FOLH1: variants seen among roughly 807,000 people sequenced by gnomAD.
FOLH1 encodes the protein folate hydrolase 1.
A neutral mutation model predicts 93.9 loss-of-function variants in FOLH1; 54 were observed. That is an observed-to-expected ratio of 0.57 (90% CI 0.46 to 0.72). The LOEUF (loss-of-function observed/expected upper bound fraction) is 0.72, where lower values mean the gene tolerates loss of function less well. FOLH1 is among the 30% of genes least tolerant of loss of function. The pLI is 0.00. For missense variants in FOLH1, 571 were observed against 892.5 expected (o/e 0.64, Z 4.59); for synonymous variants, 249 against 303.6 (o/e 0.82, Z 1.87).
intron 18 of FOLH1, among the ~76,000 whole-genome samples, chr11:49,147,832 C>A (rs1416652282): frequency 6.6e-6 from 1 of 151,700 alleles, no homozygotes; most frequent in Non-Finnish European, 1.5e-5. Context: ...GAGGCTGCTG[C>A]AGGAAGATTG....
intron 10 of FOLH1, among the ~76,000 whole-genome samples, chr11:49,171,982 C>T (rs1859369948): frequency 1.3e-5 from 2 of 152,048 alleles, no homozygotes; most frequent in African/African-American, 2.4e-5. Context: ...GAAGACACCA[C>T]TTGATTGTGG....
intron 17 of FOLH1, among the ~76,000 whole-genome samples, chr11:49,151,439 CA>C (rs1440198263): frequency 6.6e-6 from 1 of 152,234 alleles, no homozygotes; most frequent in African/African-American, 2.4e-5. Context: ...GACACACACA[CA>C]CACACTTCTC....
At chr11:49,202,978 G>A (rs148319548) in intron 2 of FOLH1, among the ~76,000 whole-genome samples, 1 of 152,166 alleles carries the variant, frequency 6.6e-6, no homozygotes, top group Non-Finnish European at 1.5e-5. Flanking sequence ...TCTATGAATG[G>A]ATTTTTGCTA....
At chr11:49,154,876 A>G (rs575042186) in intron 15 of FOLH1, among the ~76,000 whole-genome samples, 1 of 152,162 alleles carries the variant, frequency 6.6e-6, no homozygotes, top group South Asian at 2.1e-4. Flanking sequence ...GTATTACACA[A>G]TATTATATAG....
intron 2 of FOLH1, among the ~76,000 whole-genome samples, chr11:49,203,837 T>A (rs1259734206): frequency 6.6e-6 from 1 of 152,172 alleles, no homozygotes; most frequent in East Asian, 1.9e-4. Flanking sequence ...CCCCCCACCC[T>A]CTAGAATGTC....
At chr11:49,187,751 T>A (rs1254764419) in intron 4 of FOLH1, among the ~76,000 whole-genome samples, 1 of 152,260 alleles carries the variant, frequency 6.6e-6, no homozygotes, top group East Asian at 1.9e-4. Context: ...GAAGGCTCTC[T>A]GCAGACAATC....
chr11:49,188,402 T>C (rs888221776), intron 4 of FOLH1, among the ~76,000 whole-genome samples: 1 of 151,258 alleles, frequency 6.6e-6, no homozygotes, highest in African/African-American at 2.4e-5. Context: ...TAATCCCAGC[T>C]ACTCGGGGGC....
At chr11:49,203,216 T>C (rs528116742) in intron 2 of FOLH1, among the ~76,000 whole-genome samples, 16 of 152,308 alleles carry the variant, frequency 1.1e-4, no homozygotes, top group African/African-American at 3.6e-4. Flanking sequence ...TTTAAAACAA[T>C]CTTATCTTGC....
chr11:49,157,399 C>G (rs1202467345), intron 14 of FOLH1, among the ~76,000 whole-genome samples: 1 of 151,820 alleles, frequency 6.6e-6, no homozygotes, highest in East Asian at 1.9e-4. Context: ...GTTGAGTATC[C>G]CTAATCCAAA....
At chr11:49,169,092 C>T in intron 12 of FOLH1, 103 bp downstream of exon 12, 2 of 1,336,988 alleles carry the variant, frequency 1.5e-6, no homozygotes, top group African/African-American at 2.9e-5. Flanking sequence ...GATTCCCTAA[C>T]CACACATTAA....
chr11:49,190,275 A>T (rs1861883337), intron 4 of FOLH1, among the ~76,000 whole-genome samples: 1 of 152,226 alleles, frequency 6.6e-6, no homozygotes, highest in African/African-American at 2.4e-5. Context: ...ATATTAGCTT[A>T]AAAATGAGAG....
intron 17 of FOLH1, among the ~76,000 whole-genome samples, chr11:49,152,722 T>C (rs1334782921): frequency 6.6e-6 from 1 of 152,178 alleles, no homozygotes; most frequent in Non-Finnish European, 1.5e-5. Flanking sequence ...TTTTCAACTT[T>C]CTTAATTTTT....
At chr11:49,194,306 G>A (rs371807836) in intron 3 of FOLH1, among the ~76,000 whole-genome samples, 17 of 145,252 alleles carry the variant, frequency 1.2e-4, no homozygotes, top group Admixed American at 9.1e-4. Flanking sequence ...TGCCTCAAGC[G>A]AAAATATTTA....
intron 10 of FOLH1, among the ~76,000 whole-genome samples, chr11:49,171,812 G>A (rs1461281898): frequency 2.6e-5 from 4 of 152,072 alleles, no homozygotes; most frequent in Non-Finnish European, 2.9e-5. Context: ...CAGCAGAGGG[G>A]TGATGTGTCT....
intron 3 of FOLH1, among the ~76,000 whole-genome samples, chr11:49,199,728 T>C (rs1442798032): frequency 6.6e-6 from 1 of 151,994 alleles, no homozygotes; most frequent in Admixed American, 6.5e-5. Context: ...CTGGCCAACA[T>C]GATGAAACCC....
intron 3 of FOLH1, among the ~76,000 whole-genome samples, chr11:49,195,191 A>G (rs1350703170): frequency 1.3e-5 from 2 of 152,174 alleles, no homozygotes; most frequent in South Asian, 4.1e-4. Context: ...CAATTGTCAA[A>G]GGATTAGTGT....
chr11:49,172,736 G>A (rs1384384158), intron 10 of FOLH1, among the ~76,000 whole-genome samples: 1 of 152,118 alleles, frequency 6.6e-6, no homozygotes, highest in Admixed American at 6.6e-5. Flanking sequence ...CTCTCAATGT[G>A]TAATTATTAT....
chr11:49,168,008 A>C (rs1173929182), intron 12 of FOLH1, among the ~76,000 whole-genome samples: 1 of 151,518 alleles, frequency 6.6e-6, no homozygotes, highest in Non-Finnish European at 1.5e-5. Context: ...CACTAAAGAA[A>C]ATATTCTAAA....
At chr11:49,195,786 T>C (rs1416758637) in intron 3 of FOLH1, among the ~76,000 whole-genome samples, 2 of 152,156 alleles carry the variant, frequency 1.3e-5, no homozygotes, top group African/African-American at 4.8e-5. Context: ...ACAACTATAC[T>C]ATAAATTTGA....
Sources: allele counts gnomAD v4.1 joint callset (sites outside exome capture counted in the v4.1 genomes callset), GRCh38; gene constraint gnomAD v4.1.1; transcripts MANE v1.5; gene names NCBI Gene and HGNC (gene_info 2026-07-23, HGNC 2026-07-21).